The following SND1 variants were observed in gnomAD, a reference collection of about 807,000 sequenced individuals.
SND1 encodes the protein staphylococcal nuclease and tudor domain containing 1.
A neutral mutation model predicts 121.7 loss-of-function variants in SND1; 38 were observed. The observed-to-expected ratio is 0.31, with a 90% CI of 0.24 to 0.41. The LOEUF is 0.41. Among genes scored for constraint, SND1 ranks in the 10% least tolerant of loss-of-function variants. The pLI is 1.00. For missense variants in SND1, 868 were observed against 1,184.6 expected, an observed-to-expected ratio of 0.73 and a Z score of 3.92; for synonymous variants, 401 against 447.4, an observed-to-expected ratio of 0.90 and a Z score of 1.31.
chr7:127,739,372 C>T (rs1796835237), intron 10 of SND1, among the ~76,000 whole-genome samples: 1 of 152,120 alleles, frequency 6.6e-6, no homozygotes, highest in African/African-American at 2.4e-5. Flanking sequence ...TTTATGTGAA[C>T]CCAGAAGGCT....
chr7:128,032,300 CCT>C lies in SND1; in HGVS notation c.1779+41250_1779+41251del, dbSNP rs1231378475. On this transcript the variant is annotated intron_variant, in intron 16 of 23. Coordinates refer to ENST00000354725, the MANE Select transcript of SND1 (RefSeq NM_014390.4). ...TTTCCTCCTTCCTTCCTCCTCTCTT[CCT>C]CTCTCCCCCTCCCCCCTCCCCCCTC... Among the ~76,000 whole-genome samples, 736 of 151,180 alleles carry C rather than the reference CCT, an allele frequency of 4.9e-3. 4 individuals are homozygous for C. Among genetic ancestry groups the C allele is most frequent in the African/African-American group, 0.017 (710 of 41,266 alleles).
chr7:128,020,223 C>G (rs1000785655), intron 16 of SND1, among the ~76,000 whole-genome samples: 10 of 152,210 alleles, frequency 6.6e-5, no homozygotes, highest in African/African-American at 2.4e-4. Flanking sequence ...GAGTGGGCAC[C>G]ATCTGTCTCA....
At chr7:128,028,804 C>T in intron 16 of SND1, 1 of 1,614,086 alleles carries the variant, frequency 6.2e-7, no homozygotes, top group Middle Eastern at 1.6e-4. Flanking sequence ...GCCCCATGTG[C>T]TGGTTTGTAG....
intron 14 of SND1, among the ~76,000 whole-genome samples, chr7:127,910,104 T>G (rs559500638): frequency 6.6e-6 from 1 of 152,134 alleles, no homozygotes; most frequent in Non-Finnish European, 1.5e-5. Context: ...TAGGCCTTGA[T>G]GGAAGCATAA....
chr7:127,929,835 C>T (rs1029755333), intron 15 of SND1, among the ~76,000 whole-genome samples: 2 of 152,314 alleles, frequency 1.3e-5, no homozygotes, highest in South Asian at 4.1e-4. Flanking sequence ...CTTTCACACG[C>T]TCTTCCCACA....
chr7:128,055,741 G>A (rs1054516551), intron 16 of SND1, among the ~76,000 whole-genome samples: 2 of 152,074 alleles, frequency 1.3e-5, no homozygotes, highest in African/African-American at 2.4e-5. Context: ...ATCACTCCTC[G>A]GCCCAAGAGC....
intron 8 of SND1, among the ~76,000 whole-genome samples, chr7:127,706,443 G>A (rs372136633): frequency 2.0e-5 from 3 of 151,746 alleles, no homozygotes; most frequent in Non-Finnish European, 4.4e-5. Context: ...GTATTTTAGT[G>A]GAGACTGGGT....
intron 16 of SND1, among the ~76,000 whole-genome samples, chr7:128,071,242 T>C (rs1793404150): frequency 6.6e-6 from 1 of 152,210 alleles, no homozygotes; most frequent in South Asian, 2.1e-4. Flanking sequence ...CAGCAACACA[T>C]ATTAGACAAG....
At position 127,789,342 on chromosome 7, in the gene SND1, C is replaced by T. The variant is rs187827124; in HGVS notation, c.1153-18142C>T. ...ACATAACCCTTAGTTACACTCAAAT[C>T]GATTGCCAAACCTTTTTAAAAAATT... On this transcript the variant is annotated intron_variant, in intron 10 of 23. Coordinates refer to ENST00000354725, the MANE Select transcript of SND1 (RefSeq NM_014390.4). Among the ~76,000 whole-genome samples the T allele has an allele frequency of 1.4e-4, 21 of 152,310 alleles. 1 individual carries two copies. In the South Asian group the frequency reaches 2.1e-3, roughly 15 times the overall value.
At chr7:127,750,533 A>T (rs772963607) in intron 10 of SND1, among the ~76,000 whole-genome samples, 1 of 152,234 alleles carries the variant, frequency 6.6e-6, no homozygotes, top group East Asian at 1.9e-4. Flanking sequence ...AATTTATTCA[A>T]TGAAACATAT....
intron 11 of SND1, among the ~76,000 whole-genome samples, chr7:127,825,088 G>A (rs1378832349): frequency 3.3e-5 from 5 of 152,120 alleles, no homozygotes; most frequent in Admixed American, 3.3e-4. Flanking sequence ...AGAAATGACA[G>A]TTACTAATGT....
At chr7:127,858,646 C>G (rs1799326754) in intron 12 of SND1, among the ~76,000 whole-genome samples, 1 of 152,224 alleles carries the variant, frequency 6.6e-6, no homozygotes, top group African/African-American at 2.4e-5. Flanking sequence ...GTGATGCCAG[C>G]TGGCTAGTAT....
chr7:127,845,396 A>G (rs1262116354), intron 12 of SND1, among the ~76,000 whole-genome samples: 4 of 152,258 alleles, frequency 2.6e-5, no homozygotes, highest in Non-Finnish European at 4.4e-5. Flanking sequence ...TCACACAACA[A>G]TTGGAGGTTT....
chr7:127,763,033 C>T (rs1440973), intron 10 of SND1, among the ~76,000 whole-genome samples: 143,829 of 152,196 alleles, frequency 0.95, 68,405 homozygotes, highest in Non-Finnish European at 1. Context: ...TGTAACCTGG[C>T]CTCTCAGAAA....
chr7:127,701,555 G>T (rs1403514967), intron 5 of SND1, among the ~76,000 whole-genome samples: 2 of 116,920 alleles, frequency 1.7e-5, no homozygotes, highest in Non-Finnish European at 3.6e-5. Context: ...CTGTTGCAGG[G>T]TAGTAAATTG....
intron 10 of SND1, among the ~76,000 whole-genome samples, chr7:127,776,732 G>T (rs1177210825): frequency 6.6e-6 from 1 of 152,170 alleles, no homozygotes; most frequent in Non-Finnish European, 1.5e-5. Context: ...TCCAAGTACA[G>T]GGGTGGTATA....
chr7:127,786,067 A>G (rs1401372115), intron 10 of SND1, among the ~76,000 whole-genome samples: 1 of 151,946 alleles, frequency 6.6e-6, no homozygotes, highest in African/African-American at 2.4e-5. Flanking sequence ...TGAAGCCTGG[A>G]CCAGTTTTAT....
chr7:127,747,522 A>G (rs1472273417), intron 10 of SND1, among the ~76,000 whole-genome samples: 1 of 152,246 alleles, frequency 6.6e-6, no homozygotes, highest in South Asian at 2.1e-4. Flanking sequence ...ACAGTCTTGA[A>G]GGAAAATTGG....
At chr7:127,999,847 G>A (rs1584728079) in intron 16 of SND1, 1 of 152,080 alleles carries the variant, frequency 6.6e-6, no homozygotes, top group South Asian at 2.1e-4. Context: ...CAGTCTCCTG[G>A]TCTCCCTCTC....
Sources: allele counts gnomAD v4.1 joint callset (sites outside exome capture counted in the v4.1 genomes callset), GRCh38; gene constraint gnomAD v4.1.1; transcripts MANE v1.5; gene names NCBI Gene and HGNC (gene_info 2026-07-23, HGNC 2026-07-21).